Variants in ZNF704 observed in about 807,000 individuals in gnomAD.
ZNF704 encodes the protein zinc finger protein 704.
In ZNF704, 10 loss-of-function variants were observed where a neutral mutation model predicts 44.7. The observed-to-expected ratio is 0.22, with a 90% CI of 0.14 to 0.38. The LOEUF (loss-of-function observed/expected upper bound fraction) is 0.38. Among genes scored for constraint, ZNF704 ranks in the 10% least tolerant of loss-of-function variants. ZNF704 has a pLI of 1.00. For synonymous variants in ZNF704, 211 were observed against 207.6 expected, an observed-to-expected ratio of 1.02 and a Z score of -0.14; for missense variants, 390 against 545.5, an observed-to-expected ratio of 0.71 and a Z score of 2.84.
chr8:80,810,238 T>A (rs189684764), intron 2 of ZNF704, among the ~76,000 whole-genome samples: 17 of 152,278 alleles, frequency 1.1e-4, no homozygotes, highest in Admixed American at 7.8e-4. Flanking sequence ...CAGATAAAAA[T>A]CAAATTCTAA....
chr8:80,694,494 G>A (rs1329742318), intron 2 of ZNF704, among the ~76,000 whole-genome samples: 1 of 152,182 alleles, frequency 6.6e-6, no homozygotes, highest in Admixed American at 6.5e-5. Flanking sequence ...CCCAACAGAG[G>A]ATTAATAAGC....
upstream of ZNF704, among the ~76,000 whole-genome samples, chr8:80,875,600 G>A (rs993248839): frequency 4.6e-5 from 7 of 152,126 alleles, no homozygotes; most frequent in Non-Finnish European, 8.8e-5. Context: ...CACCGTGCCC[G>A]GCCTTAAGTC....
intron 1 of ZNF704, among the ~76,000 whole-genome samples, chr8:80,871,749 A>G (rs1809255998): frequency 6.6e-6 from 1 of 152,250 alleles, no homozygotes; most frequent in African/African-American, 2.4e-5. Flanking sequence ...TTATAATAAA[A>G]TTATCTAGTG....
At chr8:80,883,074 CAAAAAAAAAA>C in the ZNF704 span, among the ~76,000 whole-genome samples, 2 of 43,212 alleles carry the variant, frequency 4.6e-5, no homozygotes, top group Non-Finnish European at 9.3e-5. Context: ...CCTGTCTCTA[CAAAAAAAAAA>C]AAAAAAAAAA....
intron 1 of ZNF704, among the ~76,000 whole-genome samples, chr8:80,855,752 T>G (rs1330280750): frequency 6.6e-6 from 1 of 152,180 alleles, no homozygotes; most frequent in Non-Finnish European, 1.5e-5. Context: ...AAACTACAAT[T>G]GTACCCCCAT....
At chr8:80,675,821 C>G (rs966075887) in intron 4 of ZNF704, among the ~76,000 whole-genome samples, 2 of 151,978 alleles carry the variant, frequency 1.3e-5, no homozygotes, top group Non-Finnish European at 2.9e-5. Context: ...GATATGTGAA[C>G]CTGGAATCAG....
chr8:80,739,935 T>TGA (rs1415272794), intron 2 of ZNF704, among the ~76,000 whole-genome samples: 7 of 152,186 alleles, frequency 4.6e-5, no homozygotes, highest in Non-Finnish European at 8.8e-5. Flanking sequence ...GCAGCAGGAC[T>TGA]GAGGGTGCCC....
At chr8:80,813,715 A>C (rs532706825) in intron 2 of ZNF704, among the ~76,000 whole-genome samples, 1 of 152,202 alleles carries the variant, frequency 6.6e-6, no homozygotes, top group African/African-American at 2.4e-5. Context: ...CGTCTCTACT[A>C]AAAATACAAA....
rs537325791 is a variant in ZNF704, at chr8:80,855,273, A to G, written c.-22+19298T>C. Among the ~76,000 whole-genome samples the G allele has an allele frequency of 1.2e-3, 176 of 152,262 alleles. 1 individual carries two copies. The highest frequency in any genetic ancestry group is 4.1e-3 in the African/African-American group (169 of 41,554). ...GTTCTTGTGTCTTTTGATGAGTAAAAGTGTTTAATTTTGATAAAAGTGTAA... is the reference window on the plus strand; with the variant it reads ...GTTCTTGTGTCTTTTGATGAGTAAAGGTGTTTAATTTTGATAAAAGTGTAA... On this transcript the variant is annotated intron_variant, in intron 1 of 8. Coordinates refer to ENST00000327835, the MANE Select transcript of ZNF704 (RefSeq NM_001033723.3).
At chr8:80,753,217 G>A (rs1456364693) in intron 2 of ZNF704, among the ~76,000 whole-genome samples, 1 of 152,146 alleles carries the variant, frequency 6.6e-6, no homozygotes, top group African/African-American at 2.4e-5. Flanking sequence ...GGAGATGAGA[G>A]TGCAAAGCAA....
At chr8:80,718,804 G>C (rs114970852) in intron 2 of ZNF704, among the ~76,000 whole-genome samples, 9 of 152,126 alleles carry the variant, frequency 5.9e-5, no homozygotes, top group Admixed American at 2.0e-4. Context: ...GCCAACAGCT[G>C]ATACAATTTT....
intron 1 of ZNF704, among the ~76,000 whole-genome samples, chr8:80,865,508 G>T (rs1184879794): frequency 6.6e-6 from 1 of 152,158 alleles, no homozygotes; most frequent in Non-Finnish European, 1.5e-5. Flanking sequence ...TCACATTTAT[G>T]AACTAAAATT....
At chr8:80,833,360 A>G (rs1049480673) in intron 1 of ZNF704, among the ~76,000 whole-genome samples, 1 of 152,166 alleles carries the variant, frequency 6.6e-6, no homozygotes, top group African/African-American at 2.4e-5. Context: ...AAAAAAAGAG[A>G]AAAAAATTAC....
rs76950350 is a variant in ZNF704 at position 80,723,567 on chromosome 8, T to C, written c.222-30460A>G. Among the ~76,000 whole-genome samples the C allele has an allele frequency of 8.9e-4, 135 of 152,364 alleles. 3 individuals are homozygous for C. In the East Asian group the frequency reaches 0.025, roughly 28 times the overall value. On this transcript the variant is annotated intron_variant, in intron 2 of 8. Coordinates refer to ENST00000327835, the MANE Select transcript of ZNF704 (RefSeq NM_001033723.3). ...TGCCAGTTAAAAAAGAGCTTATTTG[T>C]GTATTTTTAAAAATGGATGATGGTG... is the stretch of plus-strand genomic sequence containing the variant.
At chr8:80,845,168 C>T (rs1465056115) in intron 1 of ZNF704, among the ~76,000 whole-genome samples, 1 of 152,188 alleles carries the variant, frequency 6.6e-6, no homozygotes, top group Non-Finnish European at 1.5e-5. Context: ...AATATTATAG[C>T]ATGTAGGCCA....
intron 2 of ZNF704, among the ~76,000 whole-genome samples, chr8:80,780,245 G>A (rs1807495397): frequency 1.3e-5 from 2 of 152,174 alleles, no homozygotes; most frequent in African/African-American, 4.8e-5. Context: ...CAACATTACT[G>A]CAGAGAGCCC....
the ZNF704 span, among the ~76,000 whole-genome samples, chr8:80,881,404 AG>A: frequency 6.6e-6 from 1 of 152,236 alleles, no homozygotes; most frequent in Non-Finnish European, 1.5e-5. Context: ...TTAAGTGAAA[AG>A]AACAAGCTAT....
intron 4 of ZNF704, among the ~76,000 whole-genome samples, chr8:80,676,883 G>A (rs1002261860): frequency 6.6e-6 from 1 of 152,226 alleles, no homozygotes; most frequent in South Asian, 2.1e-4. Context: ...GCAGGAGGCG[G>A]AGCACAGGCG....
intron 1 of ZNF704, among the ~76,000 whole-genome samples, chr8:80,831,194 C>T (rs1279313229): frequency 1.3e-5 from 2 of 152,278 alleles, no homozygotes; most frequent in Admixed American, 6.5e-5. Context: ...ACCCAAGCTG[C>T]TGCAAGCAGT....
Sources: gnomAD v4.1 joint callset for allele counts (sites outside exome capture counted in the v4.1 genomes callset) on GRCh38, gnomAD v4.1.1 for gene constraint, MANE v1.5 for transcripts, NCBI Gene and HGNC (gene_info 2026-07-23, HGNC 2026-07-21) for gene names.